CACNA2D1: variants seen among roughly 807,000 people sequenced by gnomAD.
CACNA2D1 encodes voltage-dependent calcium channel subunit alpha-2/delta-1.
CACNA2D1 carries 53 observed loss-of-function variants against 171.5 expected under a neutral mutation model. The ratio of observed to expected loss-of-function variants is 0.31; its 90% confidence interval spans 0.25 to 0.39. The LOEUF (loss-of-function observed/expected upper bound fraction) is 0.39, where lower values mean the gene tolerates loss of function less well. CACNA2D1 is among the 10% of genes least tolerant of loss of function. The pLI, the probability that CACNA2D1 is intolerant of heterozygous loss-of-function variation, is 1.00. For synonymous variants in CACNA2D1, 442 were observed against 443.1 expected, an observed-to-expected ratio of 1.00 and a Z score of 0.03; for missense variants, 903 against 1,299.8, an observed-to-expected ratio of 0.69 and a Z score of 4.69.
chr7:81,987,097 G>C (rs928839007), intron 21 of CACNA2D1, among the ~76,000 whole-genome samples: 2 of 152,132 alleles, frequency 1.3e-5, no homozygotes, highest in Non-Finnish European at 2.9e-5. Flanking sequence ...TTTAAAACTA[G>C]CACATCTACT....
intron 3 of CACNA2D1, among the ~76,000 whole-genome samples, chr7:82,332,561 A>AGAACGAAC (rs1491251335): frequency 7.1e-6 from 1 of 140,450 alleles, no homozygotes; most frequent in African/African-American, 2.6e-5. Flanking sequence ...AAAGAAAGAA[A>AGAACGAAC]GAAAGAACGA....
Position 82,049,231 on chromosome 7 carries a change from ATTTC to A in CACNA2D1, c.880-11000_880-10997del, listed in dbSNP as rs569184682. On this transcript the variant is annotated intron_variant, in intron 10 of 38. Transcript: ENST00000356860. ...CTTTGATCTTTTCTTACTGTCCATAATTTCTTTATGTCTTTTAAATGAAAATACT... is the reference window on the plus strand; with the variant it reads ...CTTTGATCTTTTCTTACTGTCCATAATTTATGTCTTTTAAATGAAAATACT... Among the ~76,000 whole-genome samples, 412 of 151,858 alleles carry A rather than the reference ATTTC, an allele frequency of 2.7e-3. 2 individuals carry two copies. Among genetic ancestry groups the A allele is most frequent in the African/African-American group, 9.1e-3 (378 of 41,420 alleles).
Position 81,964,261 on chromosome 7 carries a change from T to A in CACNA2D1, c.2673A>T (p.Val891=). The change falls in exon 33 of 39, where the codon GTA becomes GTT. Residue 891 remains valine, a synonymous_variant. Coordinates refer to ENST00000356860, the MANE Select transcript of CACNA2D1 (RefSeq NM_000722.4). Reference sequence around the variant, plus strand: ...GTTTTGGTGCAGCACCGGGCTCACATACTGACTGATAATCATAAGATTTGT... The same window carrying A: ...GTTTTGGTGCAGCACCGGGCTCACAAACTGACTGATAATCATAAGATTTGT... ...AFNKSYDYQS[V]CEPGAAPKQG... 1 of 1,612,814 alleles carries A rather than the reference T, an allele frequency of 6.2e-7. No individual in the cohort carries two copies. The highest frequency in any genetic ancestry group is 8.5e-7 in the Non-Finnish European group (1 of 1,179,206).
chr7:82,235,013 G>A (rs1365703485), intron 3 of CACNA2D1, among the ~76,000 whole-genome samples: 3 of 152,136 alleles, frequency 2.0e-5, no homozygotes, highest in Admixed American at 2.0e-4. Context: ...TGCACCTCCA[G>A]TCTGTGCTAA....
intron 3 of CACNA2D1, among the ~76,000 whole-genome samples, chr7:82,235,470 C>T (rs980183200): frequency 3.3e-5 from 5 of 152,142 alleles, no homozygotes; most frequent in Admixed American, 1.3e-4. Flanking sequence ...TGAATTCACA[C>T]TATATCCAAT....
rs1346972334 is a variant in CACNA2D1 at position 82,200,579 on chromosome 7, CT to C, written c.295-29971del. Among the ~76,000 whole-genome samples the C allele has an allele frequency of 4.6e-5, 7 of 152,156 alleles. No homozygotes were observed. In the South Asian group the frequency reaches 1.5e-3, roughly 32 times the overall value. ...ATGTTTTTGAATTTATACCATGGTA[CT>C]CTTTTTTTGTGTTTTCTGTTCATTT... On this transcript the variant is annotated intron_variant, in intron 3 of 38. Coordinates refer to ENST00000356860, the MANE Select transcript of CACNA2D1 (RefSeq NM_000722.4).
At chr7:82,238,548 A>C (rs1803883570) in intron 3 of CACNA2D1, among the ~76,000 whole-genome samples, 1 of 152,072 alleles carries the variant, frequency 6.6e-6, no homozygotes, top group South Asian at 2.1e-4. Context: ...CAGAATGGCT[A>C]TTATTACAAG....
At chr7:82,066,042 G>A (rs1330868504) in intron 8 of CACNA2D1, among the ~76,000 whole-genome samples, 1 of 152,024 alleles carries the variant, frequency 6.6e-6, no homozygotes, top group Non-Finnish European at 1.5e-5. Flanking sequence ...TAAGCTATAT[G>A]AATATAACTA....
intron 3 of CACNA2D1, among the ~76,000 whole-genome samples, chr7:82,244,632 A>T (rs928342045): frequency 2.6e-5 from 4 of 152,102 alleles, no homozygotes; most frequent in Non-Finnish European, 5.9e-5. Flanking sequence ...AAGCAAGGGG[A>T]AAAAAAGCAA....
chr7:82,065,831 T>G (rs1344003173), intron 8 of CACNA2D1, among the ~76,000 whole-genome samples: 1 of 152,188 alleles, frequency 6.6e-6, no homozygotes, highest in African/African-American at 2.4e-5. Context: ...ATATGTGAAC[T>G]CATTTCTTAA....
At chr7:82,386,494 C>A (rs1824398097) in intron 1 of CACNA2D1, among the ~76,000 whole-genome samples, 1 of 152,018 alleles carries the variant, frequency 6.6e-6, no homozygotes. Context: ...TGCCTTTAAT[C>A]CCAGCACTTT....
intron 1 of CACNA2D1, among the ~76,000 whole-genome samples, chr7:82,354,993 T>G (rs1820261897): frequency 6.6e-6 from 1 of 152,134 alleles, no homozygotes. Context: ...AACCAAGAAT[T>G]TTATCATAAT....
chr7:82,146,426 A>ATATAAAGATATATATTTATATATATCTT (rs1793084965), intron 4 of CACNA2D1, among the ~76,000 whole-genome samples: 3 of 129,838 alleles, frequency 2.3e-5, no homozygotes, highest in Non-Finnish European at 3.6e-5. Context: ...ATCTTTACAT[A>ATATAAAGATATATATTTATATATATCTT]TACATATTTA....
rs534961749 is a variant in CACNA2D1, at chr7:82,128,746, A to G, written c.396+7889T>C. On this transcript the variant is annotated intron_variant, in intron 5 of 38. Coordinates refer to ENST00000356860, the MANE Select transcript of CACNA2D1 (RefSeq NM_000722.4). ...GATGCCAACATGTACTAATCTCATG[A>G]CCTTCTTTGTATGATTTACTTCTAT... 3.3e-5 allele frequency among the ~76,000 whole-genome samples: 5 copies of G among 152,242 alleles called. No individual in the cohort carries two copies. In the East Asian group the frequency reaches 9.7e-4, roughly 29 times the overall value.
chr7:82,065,049 C>T (rs761902803), intron 8 of CACNA2D1, among the ~76,000 whole-genome samples: 14 of 152,108 alleles, frequency 9.2e-5, no homozygotes, highest in Admixed American at 2.6e-4. Flanking sequence ...AGCTCACTCA[C>T]GTTGCCTGGC....
intron 38 of CACNA2D1, among the ~76,000 whole-genome samples, chr7:81,952,415 TAAGAA>T (rs1792709863): frequency 6.6e-6 from 1 of 152,090 alleles, no homozygotes; most frequent in African/African-American, 2.4e-5. Flanking sequence ...ACTATTTTGT[TAAGAA>T]GAAAGAAAGC....
intron 7 of CACNA2D1, among the ~76,000 whole-genome samples, chr7:82,080,078 T>C (rs1809544436): frequency 6.6e-6 from 1 of 150,898 alleles, no homozygotes. Flanking sequence ...CGTATATATA[T>C]GCGTACATAT....
chr7:82,185,154 G>A lies in CACNA2D1; in HGVS notation c.295-14545C>T, dbSNP rs182573000. ...TTCTTCTCATTCTACATACAGTAGA[G>A]CATACCTATGGATATGTGTCAAATA... On this transcript the variant is annotated intron_variant, in intron 3 of 38. Coordinates refer to ENST00000356860, the MANE Select transcript of CACNA2D1 (RefSeq NM_000722.4). 1.6e-3 allele frequency among the ~76,000 whole-genome samples: 245 copies of A among 152,152 alleles called. 2 individuals carry two copies. Among genetic ancestry groups the A allele is most frequent in the African/African-American group, 5.7e-3 (238 of 41,526 alleles).
intron 3 of CACNA2D1, among the ~76,000 whole-genome samples, chr7:82,233,334 C>T (rs1302203735): frequency 6.6e-6 from 1 of 152,108 alleles, no homozygotes; most frequent in African/African-American, 2.4e-5. Flanking sequence ...AAACAGTATA[C>T]ATACAGAAAA....
Sources: gnomAD v4.1 joint callset for allele counts (sites outside exome capture counted in the v4.1 genomes callset) on GRCh38, gnomAD v4.1.1 for gene constraint, MANE v1.5 for transcripts, NCBI Gene and HGNC (gene_info 2026-07-23, HGNC 2026-07-21) for gene names.